Variants in GLG1 observed in about 807,000 individuals in gnomAD.
GLG1 encodes Golgi apparatus protein 1.
Under a neutral mutation model 160.5 loss-of-function variants are expected in GLG1, and 38 were observed. The observed-to-expected ratio is 0.24, with a 90% CI of 0.18 to 0.31. The LOEUF is 0.31. Ranked by LOEUF, GLG1 falls within the 10% of genes least tolerant of loss-of-function variation. GLG1 has a pLI of 1.00. For missense variants in GLG1, 1,373 were observed against 1,505.2 expected, an observed-to-expected ratio of 0.91 and a Z score of 1.45; for synonymous variants, 644 against 543.4, an observed-to-expected ratio of 1.19 and a Z score of -2.57.
intron 2 of GLG1, among the ~76,000 whole-genome samples, chr16:74,530,753 C>T (rs1227423780): frequency 6.6e-6 from 1 of 152,018 alleles, no homozygotes; most frequent in Non-Finnish European, 1.5e-5. Context: ...CCTCCAGCCT[C>T]AGCCTCCCGA....
intron 8 of GLG1, among the ~76,000 whole-genome samples, chr16:74,487,675 T>C (rs371616826): frequency 2.6e-5 from 4 of 152,266 alleles, no homozygotes; most frequent in East Asian, 1.9e-4. Context: ...CTGAGAAAAG[T>C]TGGAAGCAAC....
chr16:74,543,142 T>C lies in GLG1; in HGVS notation c.439-10989A>G, dbSNP rs531090674. Among the ~76,000 whole-genome samples, 42 of 152,178 alleles carry C rather than the reference T, an allele frequency of 2.8e-4. No homozygotes were observed. The East Asian group carries it at 7.1e-3, about 26-fold the overall frequency. On this transcript the variant is annotated intron_variant, in intron 1 of 25. Coordinates refer to ENST00000422840, the MANE Select transcript of GLG1 (RefSeq NM_001145667.2). Reference sequence around the variant, plus strand: ...GCCAGAATGTGCTGAACTCTTTCTGTATAACCCAGTGCAAATTACTGGTGC... The same window carrying C: ...GCCAGAATGTGCTGAACTCTTTCTGCATAACCCAGTGCAAATTACTGGTGC...
At chr16:74,574,567 G>T (rs2018931476) in intron 1 of GLG1, among the ~76,000 whole-genome samples, 1 of 151,932 alleles carries the variant, frequency 6.6e-6, no homozygotes, top group Admixed American at 6.6e-5. Context: ...ATAAATTTTG[G>T]CAACAAAATC....
chr16:74,523,297 T>C (rs1490863682), intron 2 of GLG1, among the ~76,000 whole-genome samples: 1 of 152,234 alleles, frequency 6.6e-6, no homozygotes, highest in African/African-American at 2.4e-5. Flanking sequence ...GTTAAGATTC[T>C]TTATTCAAGT....
At chr16:74,464,995 C>T (rs1783508499) in intron 19 of GLG1, among the ~76,000 whole-genome samples, 1 of 152,194 alleles carries the variant, frequency 6.6e-6, no homozygotes, top group Non-Finnish European at 1.5e-5. Context: ...TGTGCCACCA[C>T]ACCCGGCTAA....
Position 74,521,690 on chromosome 16 carries a change from G to A in GLG1, c.471+10431C>T, listed in dbSNP as rs188382063. On this transcript the variant is annotated intron_variant, in intron 2 of 25. Coordinates refer to ENST00000422840, the MANE Select transcript of GLG1 (RefSeq NM_001145667.2). ...GTGGAATCAGCAGCTAAAGTCTGAG[G>A]TTCTATGGAAAGGTCTGGGCTGAAA... 5.9e-5 allele frequency among the ~76,000 whole-genome samples: 9 copies of A among 152,224 alleles called. No homozygotes were observed. In the East Asian group the frequency reaches 1.7e-3, roughly 29 times the overall value.
chr16:74,457,863 C>CA lies in GLG1; in HGVS notation c.3265+10dup, dbSNP rs778026159. On this transcript the variant is annotated intron_variant, in intron 24 of 25. Transcript: ENST00000422840. The stretch of plus-strand genomic sequence containing the variant: ...GTTCAGACAGGATCAAGAGTGAACA[C>CA]AGAGACTTACGACGCCCGCGGCCAG... 1.1e-5 allele frequency: 17 copies of CA among 1,613,358 alleles called. No homozygotes were observed. The South Asian group carries it at 1.9e-4, about 18-fold the overall frequency.
chr16:74,550,360 C>T (rs1382887306), intron 1 of GLG1, among the ~76,000 whole-genome samples: 1 of 151,906 alleles, frequency 6.6e-6, no homozygotes, highest in African/African-American at 2.4e-5. Flanking sequence ...TACTGGAATC[C>T]TAATATATCC....
chr16:74,455,732 C>T (rs2014511450), intron 25 of GLG1, among the ~76,000 whole-genome samples: 1 of 152,150 alleles, frequency 6.6e-6, no homozygotes, highest in Non-Finnish European at 1.5e-5. Context: ...ATGTCTATCC[C>T]AATATGAGTC....
intron 2 of GLG1, among the ~76,000 whole-genome samples, chr16:74,513,603 T>C (rs1240076812): frequency 6.6e-6 from 1 of 151,954 alleles, no homozygotes; most frequent in Non-Finnish European, 1.5e-5. Flanking sequence ...AGCATCAACA[T>C]CAACATCAAC....
Position 74,474,532 on chromosome 16 carries a change from T to A in GLG1, c.2052+14A>T. 1 of 1,239,218 alleles carries A rather than the reference T, an allele frequency of 8.1e-7. No individual in the cohort carries two copies. The highest frequency in any genetic ancestry group is 1.2e-6 in the Non-Finnish European group (1 of 837,092). The allele number at this position is 1,239,218 out of a possible 1,614,324, so 76.8% of individuals were successfully genotyped here. A position where few individuals can be genotyped will look rare whatever the true frequency, so the allele number is the denominator to read the frequency against. On this transcript the variant is annotated intron_variant, in intron 13 of 25. Transcript: ENST00000422840. ...AGCCACTCTCCTCCAATGAGTAAGC[T>A]GCATACCACTTACCTCTGATTCTAA...
chr16:74,517,462 C>G (rs891486398), intron 2 of GLG1, among the ~76,000 whole-genome samples: 2 of 152,306 alleles, frequency 1.3e-5, no homozygotes, highest in South Asian at 2.1e-4. Context: ...ATGATTATCA[C>G]AATAGATGCA....
chr16:74,492,468 G>A (rs898474540), intron 7 of GLG1, among the ~76,000 whole-genome samples: 34 of 151,406 alleles, frequency 2.2e-4, no homozygotes, highest in African/African-American at 7.8e-4. Flanking sequence ...GATCACGTGA[G>A]GGCAGGAGTT....
chr16:74,498,915 A>G (rs1337792818), intron 4 of GLG1, among the ~76,000 whole-genome samples: 1 of 151,700 alleles, frequency 6.6e-6, no homozygotes, highest in Non-Finnish European at 1.5e-5. Flanking sequence ...GTAGCGTAAC[A>G]TCTACTTCAG....
chr16:74,605,757 A>C (rs773436236), intron 1 of GLG1, among the ~76,000 whole-genome samples: 4 of 152,094 alleles, frequency 2.6e-5, no homozygotes, highest in African/African-American at 9.7e-5. Flanking sequence ...AAAACCAAAA[A>C]CAGTATCAAG....
At chr16:74,524,316 A>G (rs187636688) in intron 2 of GLG1, among the ~76,000 whole-genome samples, 2 of 152,320 alleles carry the variant, frequency 1.3e-5, no homozygotes. Flanking sequence ...CCTCTACGAT[A>G]ATAAGTAACT....
At chr16:74,457,506 G>A (rs2014604667) in intron 24 of GLG1, among the ~76,000 whole-genome samples, 1 of 152,182 alleles carries the variant, frequency 6.6e-6, no homozygotes, top group Non-Finnish European at 1.5e-5. Flanking sequence ...CACAGAACCT[G>A]TCTACTGAGT....
chr16:74,456,039 C>T (rs1209208763), intron 25 of GLG1, among the ~76,000 whole-genome samples: 1 of 152,124 alleles, frequency 6.6e-6, no homozygotes, highest in Non-Finnish European at 1.5e-5. Flanking sequence ...TTTCTTCATC[C>T]CCTTCTTCTC....
intron 1 of GLG1, among the ~76,000 whole-genome samples, chr16:74,572,223 CA>C (rs980090658): frequency 6.6e-6 from 1 of 152,076 alleles, no homozygotes; most frequent in Non-Finnish European, 1.5e-5. Context: ...ATAAAAACCC[CA>C]AAGGGGCTGG....
Sources: allele counts gnomAD v4.1 joint callset (sites outside exome capture counted in the v4.1 genomes callset), GRCh38; gene constraint gnomAD v4.1.1; transcripts MANE v1.5; gene names NCBI Gene and HGNC (gene_info 2026-07-23, HGNC 2026-07-21).